The following ZNF706 variants were observed in gnomAD, a reference collection of about 807,000 sequenced individuals.
ZNF706 encodes zinc finger protein 706.
A neutral mutation model predicts 9.2 loss-of-function variants in ZNF706; 4 were observed. The ratio of observed to expected loss-of-function variants is 0.43; its 90% CI spans 0.21 to 0.99. The LOEUF (loss-of-function observed/expected upper bound fraction) is 0.99, where lower values mean the gene tolerates loss of function less well. ZNF706 is among the 50% of genes least tolerant of loss of function. ZNF706 has a pLI of 0.26. For synonymous variants in ZNF706, 28 were observed against 27.3 expected (o/e 1.03, Z -0.08); for missense variants, 27 against 87.8 (o/e 0.31, Z 2.77).
chr8:101,199,256 A>C lies in ZNF706; in HGVS notation c.*13-17T>G. The C allele has an allele frequency of 1.4e-6, 1 of 701,482 alleles. No homozygotes were observed. The allele number at this position is 701,482 out of a possible 1,614,324, so 43.5% of individuals were successfully genotyped here. ...TGAATTCACCTATAAAACATAAGCA[A>C]AATTTTCAATGAATGTTACCATTGC... On this transcript the variant is annotated splice_polypyrimidine_tract_variant and intron_variant, in intron 3 of 3. Coordinates refer to ENST00000311212, the MANE Select transcript of ZNF706 (RefSeq NM_016096.5).
intron 1 of ZNF706, chr8:101,204,580 T>C (rs1810682732): frequency 1.0e-6 from 1 of 973,116 alleles, no homozygotes; most frequent in Non-Finnish European, 1.2e-6. Context: ...TACAAAATCG[T>C]AGGCAGCTAC....
intron 1 of ZNF706, chr8:101,203,423 T>G (rs1324471212): frequency 1.3e-5 from 2 of 152,092 alleles, no homozygotes; most frequent in Non-Finnish European, 2.9e-5. Context: ...CAGGGAAGGG[T>G]GCTAGCTTCT....
At position 101,198,512 on chromosome 8, in the gene ZNF706, C is replaced by A. The variant is rs1810443084; in HGVS notation, c.*740G>T. On this transcript the variant is annotated 3_prime_UTR_variant, in exon 4 of 4. Coordinates refer to ENST00000311212, the MANE Select transcript of ZNF706 (RefSeq NM_016096.5). ...TAAACAATAGGCTTAATGATTATTT[C>A]ATTACGGCATATACATTAGAACCTA... 6.6e-6 allele frequency: 1 copy of A among 152,180 alleles called. No homozygotes were observed. The highest frequency in any genetic ancestry group is 1.5e-5 in the Non-Finnish European group (1 of 68,024). The allele number at this position is 152,180 out of a possible 1,614,324, so 9.4% of individuals were successfully genotyped here.
intron 1 of ZNF706, chr8:101,204,982 G>T: frequency 8.2e-6 from 8 of 980,896 alleles, no homozygotes; most frequent in Non-Finnish European, 8.5e-6. Context: ...TCCGACCCCA[G>T]CTTCAGCCTG....
chr8:101,199,236 T>A lies in ZNF706; in HGVS notation c.*16A>T. On this transcript the variant is annotated 3_prime_UTR_variant, in exon 4 of 4. Transcript: ENST00000311212. ...TAGAAGAGTCAAAGGTGTCATGAATTCACCTATAAAACATAAGCAAAATTT... is the reference window on the plus strand; with the variant it reads ...TAGAAGAGTCAAAGGTGTCATGAATACACCTATAAAACATAAGCAAAATTT... The A allele has an allele frequency of 2.8e-6, 2 of 702,076 alleles. No homozygotes were observed. The highest frequency in any genetic ancestry group is 2.0e-5 in the Admixed American group (1 of 49,990). 43.5% of individuals were successfully genotyped at this position (702,076 alleles called of 1,614,324 possible). A position where few individuals can be genotyped will look rare whatever the true frequency, so the allele number is the denominator to read the frequency against.
chr8:101,197,283 T>A lies in ZNF706; in HGVS notation c.*1969A>T, dbSNP rs1015294999. The A allele has an allele frequency of 6.6e-6, 1 of 152,208 alleles. No homozygotes were observed. Among genetic ancestry groups the A allele is most frequent in the African/African-American group, 2.4e-5 (1 of 41,468 alleles). 9.4% of individuals were successfully genotyped at this position (152,208 alleles called of 1,614,324 possible). On this transcript the variant is annotated 3_prime_UTR_variant, in exon 4 of 4. Coordinates refer to ENST00000311212, the MANE Select transcript of ZNF706 (RefSeq NM_016096.5). ...ATAACAGTTTTATAATGAACTTTGC[T>A]GCAATCTGTTAAAGAATCTTCAAAT...
Position 101,198,839 on chromosome 8 carries a change from T to C in ZNF706, c.*413A>G. ...CTGAGCAGAGAAAGGGATATAAGAA[T>C]TGCACTTGCAATTCTAGCTGATGAA... On this transcript the variant is annotated 3_prime_UTR_variant, in exon 4 of 4. Coordinates refer to ENST00000311212, the MANE Select transcript of ZNF706 (RefSeq NM_016096.5). 1 of 169,128 alleles carries C rather than the reference T, an allele frequency of 5.9e-6. No individual in the cohort carries two copies. Among genetic ancestry groups the C allele is most frequent in the East Asian group, 1.6e-4 (1 of 6,112 alleles). 10.5% of individuals were successfully genotyped at this position (169,128 alleles called of 1,614,324 possible). A position where few individuals can be genotyped will look rare whatever the true frequency, so the allele number is the denominator to read the frequency against.
At chr8:101,199,883 C>G (rs1327479435) in intron 3 of ZNF706, 107 bp downstream of exon 3, 2 of 743,662 alleles carry the variant, frequency 2.7e-6, no homozygotes, top group Admixed American at 2.5e-5. Flanking sequence ...AAAGGGGAAG[C>G]AATAAAATCT....
At chr8:101,204,742 C>G (rs1810689789) in intron 1 of ZNF706, 3 of 985,276 alleles carry the variant, frequency 3.0e-6, no homozygotes, top group Non-Finnish European at 3.6e-6. Flanking sequence ...ATGAGGCGCT[C>G]TCGTAGGAGG....
intron 1 of ZNF706, chr8:101,203,667 G>A (rs1195658798): frequency 6.6e-6 from 1 of 152,036 alleles, no homozygotes; most frequent in Non-Finnish European, 1.5e-5. Context: ...TTTATATTAG[G>A]GTAGCACACG....
chr8:101,201,592 T>C lies in ZNF706; in HGVS notation c.135+15A>G. 4 of 1,608,446 alleles carry C rather than the reference T, an allele frequency of 2.5e-6. No individual in the cohort carries two copies. Among genetic ancestry groups the C allele is most frequent in the Non-Finnish European group, 3.4e-6 (4 of 1,178,422 alleles). ...CCCACGGGAGAGCTGTATCTTTCAA[T>C]TCAATTCCCCTTACCCTACAGACAG... is the stretch of plus-strand genomic sequence containing the variant. On this transcript the variant is annotated intron_variant, in intron 2 of 3. Coordinates refer to ENST00000311212, the MANE Select transcript of ZNF706 (RefSeq NM_016096.5). The surrounding 1 kb of genome is among the most constrained non-coding windows in gnomAD (Gnocchi z 4.5).
intron 3 of ZNF706, 59 bp from the exon 4 acceptor site, chr8:101,199,298 T>C (rs1586264801): frequency 1.4e-6 from 1 of 696,840 alleles, no homozygotes; most frequent in Non-Finnish European, 2.6e-6. Context: ...GCAACTTACA[T>C]GCATTTCAAA....
chr8:101,199,730 T>C (rs1051092536), intron 3 of ZNF706, among the ~76,000 whole-genome samples: 13 of 152,186 alleles, frequency 8.5e-5, no homozygotes, highest in Non-Finnish European at 1.5e-4. Flanking sequence ...AACTGATAAG[T>C]TCCTTCCATT....
rs1324215481 is a variant in ZNF706, at chr8:101,197,915, A to G, written c.*1337T>C. On this transcript the variant is annotated 3_prime_UTR_variant, in exon 4 of 4. Coordinates refer to ENST00000311212, the MANE Select transcript of ZNF706 (RefSeq NM_016096.5). ...ATGATAAGCTACAGCAGAAGAGGGAATGCATTCTGTAATCCACAGGATCAG... is the reference window on the plus strand; with the variant it reads ...ATGATAAGCTACAGCAGAAGAGGGAGTGCATTCTGTAATCCACAGGATCAG... 2.0e-5 allele frequency: 3 copies of G among 152,184 alleles called. No individual in the cohort carries two copies. Among genetic ancestry groups the G allele is most frequent in the Admixed American group, 1.3e-4 (2 of 15,282 alleles). The allele number at this position is 152,184 out of a possible 1,614,324, so 9.4% of individuals were successfully genotyped here.
Position 101,201,634 on chromosome 8 carries a change from G to A in ZNF706, c.108C>T (p.Ala36=), listed in dbSNP as rs1488927909. Residue 36 remains alanine, a synonymous_variant, in exon 2 of 4, where the codon GCC becomes GCT. Transcript: ENST00000311212. This position sits in a 1 kb window ranked among gnomAD's most constrained non-coding sequence, Gnocchi z 4.5. The part of the protein sequence containing the change: ...GHDQKAAAKA[A]LIYTCTVCRT... ...TACAGACAGTGCAGGTATATATTAAGGCAGCTTTGGCAGCAGCCTTTTGGT... is the reference window on the plus strand; with the variant it reads ...TACAGACAGTGCAGGTATATATTAAAGCAGCTTTGGCAGCAGCCTTTTGGT... 6.2e-7 allele frequency: 1 copy of A among 1,612,460 alleles called. No homozygotes were observed. The highest frequency in any genetic ancestry group is 2.2e-5 in the East Asian group (1 of 44,864).
chr8:101,199,971 A>T lies in ZNF706; in HGVS notation c.*12+19T>A, dbSNP rs1810500144. On this transcript the variant is annotated intron_variant, in intron 3 of 3. Coordinates refer to ENST00000311212, the MANE Select transcript of ZNF706 (RefSeq NM_016096.5). ...ACAACCCTGTTATTAACAAACCAAT[A>T]GAAAAAGAGGTGAGTTACCTGTAAA... is the stretch of plus-strand genomic sequence containing the variant. 1.9e-6 allele frequency: 3 copies of T among 1,553,126 alleles called. No individual in the cohort carries two copies. The highest frequency in any genetic ancestry group is 2.7e-6 in the Non-Finnish European group (3 of 1,127,046).
chr8:101,201,568 C>A lies in ZNF706; in HGVS notation c.135+39G>T, dbSNP rs1359105288. 1.9e-6 allele frequency: 3 copies of A among 1,588,766 alleles called. No individual in the cohort carries two copies. The highest frequency in any genetic ancestry group is 2.6e-6 in the Non-Finnish European group (3 of 1,168,676). On this transcript the variant is annotated intron_variant, in intron 2 of 3. Coordinates refer to ENST00000311212, the MANE Select transcript of ZNF706 (RefSeq NM_016096.5). The surrounding 1 kb of genome is among the most constrained non-coding windows in gnomAD (Gnocchi z 4.5). ...TTTAATCTATTCAAGCCAAAACTGC[C>A]CACGGGAGAGCTGTATCTTTCAATT...
In ZNF706 at chr8:101,199,982, T is replaced by G; in HGVS notation, c.*12+8A>C. 1.0e-4 allele frequency: 162 copies of G among 1,587,340 alleles called. No homozygotes were observed. Among genetic ancestry groups the G allele is most frequent in the Non-Finnish European group, 1.2e-4 (144 of 1,157,930 alleles). ...ATTAACAAACCAATAGAAAAAGAGG[T>G]GAGTTACCTGTAAACAACCTTATGC... is the stretch of plus-strand genomic sequence containing the variant. On this transcript the variant is annotated splice_region_variant and intron_variant, in intron 3 of 3. Transcript: ENST00000311212.
At position 101,197,634 on chromosome 8, in the gene ZNF706, A is replaced by C. The variant is rs1316868239; in HGVS notation, c.*1618T>G. 2.6e-5 allele frequency: 4 copies of C among 152,230 alleles called. No individual in the cohort carries two copies. Among genetic ancestry groups the C allele is most frequent in the Non-Finnish European group, 4.4e-5 (3 of 68,028 alleles). The allele number at this position is 152,230 out of a possible 1,614,324, so 9.4% of individuals were successfully genotyped here. On this transcript the variant is annotated 3_prime_UTR_variant, in exon 4 of 4. Coordinates refer to ENST00000311212, the MANE Select transcript of ZNF706 (RefSeq NM_016096.5). ...TTTAAAAACTTTTAAGTTGTGATTTAACCAGAACTTCTGCAATATCCACAA... is the reference window on the plus strand; with the variant it reads ...TTTAAAAACTTTTAAGTTGTGATTTCACCAGAACTTCTGCAATATCCACAA...
Sources: allele counts gnomAD v4.1 joint callset (sites outside exome capture counted in the v4.1 genomes callset), GRCh38; gene constraint gnomAD v4.1.1; non-coding constraint Gnocchi (gnomAD v3.1); transcripts MANE v1.5; gene names NCBI Gene and HGNC (gene_info 2026-07-23, HGNC 2026-07-21).